Variants in SSBP2 observed in about 807,000 individuals in gnomAD.
SSBP2 encodes the protein single stranded DNA binding protein 2.
SSBP2 carries 17 observed loss-of-function variants against 61.8 expected under a neutral mutation model. The observed-to-expected ratio is 0.28, with a 90% CI of 0.19 to 0.41. The LOEUF is 0.41. Among genes scored for constraint, SSBP2 ranks in the 10% least tolerant of loss-of-function variants. SSBP2 has a pLI of 1.00. For synonymous variants in SSBP2, 139 were observed against 141.3 expected (o/e 0.98, Z 0.12); for missense variants, 310 against 458.7 (o/e 0.68, Z 2.96).
In SSBP2 at chr5:81,416,806, C is replaced by G. The variant is rs1561368214; in HGVS notation, c.*3698G>C. On this transcript the variant is annotated 3_prime_UTR_variant, in exon 17 of 17. Transcript: ENST00000320672. Reference sequence around the variant, plus strand: ...TGGAGGGAAAGGGCTGTTTTGGGCACTTTTCATGGCTGGGGGAGCAGAATT... The same window carrying G: ...TGGAGGGAAAGGGCTGTTTTGGGCAGTTTTCATGGCTGGGGGAGCAGAATT... 6.6e-6 allele frequency: 1 copy of G among 152,062 alleles called. No homozygotes were observed. The allele number at this position is 152,062 out of a possible 1,614,324, so 9.4% of individuals were successfully genotyped here. A position where few individuals can be genotyped will look rare whatever the true frequency, so the allele number is the denominator to read the frequency against.
At chr5:81,602,011 G>GAC (rs1402712794) in intron 4 of SSBP2, among the ~76,000 whole-genome samples, 2 of 151,948 alleles carry the variant, frequency 1.3e-5, no homozygotes, top group Non-Finnish European at 2.9e-5. Context: ...TAATAATTCT[G>GAC]ATATCCAGAA....
chr5:81,684,437 C>G (rs1752619679), intron 1 of SSBP2, among the ~76,000 whole-genome samples: 1 of 151,982 alleles, frequency 6.6e-6, no homozygotes, highest in African/African-American at 2.4e-5. Context: ...GCCAGGGGTT[C>G]AGAGAGACAG....
chr5:81,541,015 C>T (rs1771224727), intron 4 of SSBP2, among the ~76,000 whole-genome samples: 1 of 151,718 alleles, frequency 6.6e-6, no homozygotes, highest in Non-Finnish European at 1.5e-5. Context: ...GCTAGAAAAC[C>T]TTAAAGACCC....
intron 3 of SSBP2, among the ~76,000 whole-genome samples, chr5:81,622,016 T>G (rs1746622579): frequency 2.8e-5 from 4 of 142,466 alleles, no homozygotes; most frequent in South Asian, 4.6e-4. Flanking sequence ...AGATGACGAG[T>G]TAGTGGGTGC....
intron 2 of SSBP2, among the ~76,000 whole-genome samples, chr5:81,641,953 A>AC (rs1748831331): frequency 6.6e-6 from 1 of 152,192 alleles, no homozygotes; most frequent in Non-Finnish European, 1.5e-5. Flanking sequence ...ATACATACAT[A>AC]TGTGTGCTTG....
chr5:81,740,749 C>A (rs58068365), intron 1 of SSBP2, among the ~76,000 whole-genome samples: 12,600 of 152,224 alleles, frequency 0.083, 608 homozygotes, highest in Middle Eastern at 0.18. Context: ...GAAATTATAA[C>A]CTGAGTTCTT....
At chr5:81,717,035 TAAGAA>T (rs1162992808) in intron 1 of SSBP2, among the ~76,000 whole-genome samples, 2 of 152,190 alleles carry the variant, frequency 1.3e-5, no homozygotes, top group Non-Finnish European at 2.9e-5. Context: ...TTTTAAATCA[TAAGAA>T]AATAGAAGAA....
chr5:81,449,030 C>T (rs1387206864), intron 10 of SSBP2, among the ~76,000 whole-genome samples: 1 of 152,018 alleles, frequency 6.6e-6, no homozygotes, highest in Admixed American at 6.6e-5. Context: ...AGATTTTAGT[C>T]AAGAGGATTT....
At chr5:81,742,166 A>G (rs1161257313) in intron 1 of SSBP2, among the ~76,000 whole-genome samples, 2 of 152,224 alleles carry the variant, frequency 1.3e-5, no homozygotes, top group African/African-American at 4.8e-5. Flanking sequence ...ACATTAAAAT[A>G]TTTTGAAAAC....
At chr5:81,500,184 G>T (rs1187864300) in intron 5 of SSBP2, among the ~76,000 whole-genome samples, 3 of 152,096 alleles carry the variant, frequency 2.0e-5, no homozygotes, top group Non-Finnish European at 4.4e-5. Context: ...ATGTAAGATG[G>T]TATTGAACTA....
At chr5:81,484,108 C>T (rs570014504) in intron 6 of SSBP2, among the ~76,000 whole-genome samples, 1 of 152,242 alleles carries the variant, frequency 6.6e-6, no homozygotes, top group East Asian at 1.9e-4. Flanking sequence ...ACACAGTAAA[C>T]CTCAACAAGT....
intron 15 of SSBP2, among the ~76,000 whole-genome samples, chr5:81,430,444 T>A (rs910917006): frequency 6.6e-6 from 1 of 152,196 alleles, no homozygotes; most frequent in African/African-American, 2.4e-5. Flanking sequence ...CTGTGGTATA[T>A]AAGGTACCAT....
chr5:81,491,404 C>G (rs1457039845), intron 5 of SSBP2, among the ~76,000 whole-genome samples: 1 of 152,144 alleles, frequency 6.6e-6, no homozygotes, highest in African/African-American at 2.4e-5. Flanking sequence ...CACTTGAGAT[C>G]TGCGTGTTGA....
chr5:81,710,624 C>A, intron 1 of SSBP2: 2 of 446,958 alleles, frequency 4.5e-6, no homozygotes, highest in South Asian at 1.6e-5. Flanking sequence ...CTGACAAGCA[C>A]AAACCTACAA....
chr5:81,748,899 TA>T (rs555248747), intron 1 of SSBP2, among the ~76,000 whole-genome samples: 30 of 146,602 alleles, frequency 2.0e-4, no homozygotes, highest in Admixed American at 2.0e-4. Flanking sequence ...TCTGAGAAAC[TA>T]AAAAAAAAAA....
At chr5:81,447,969 T>C (rs1207951248) in intron 11 of SSBP2, 1 of 152,232 alleles carries the variant, frequency 6.6e-6, no homozygotes, top group African/African-American at 2.4e-5. Flanking sequence ...ACTATGTTAA[T>C]AAAATACTAT....
At chr5:81,511,603 G>C (rs1336033337) in intron 5 of SSBP2, among the ~76,000 whole-genome samples, 1 of 152,172 alleles carries the variant, frequency 6.6e-6, no homozygotes, top group Non-Finnish European at 1.5e-5. Flanking sequence ...TTTCTGAAAT[G>C]TAATTCCTCT....
chr5:81,474,816 C>A (rs917975655), intron 6 of SSBP2, among the ~76,000 whole-genome samples: 2 of 152,130 alleles, frequency 1.3e-5, no homozygotes, highest in African/African-American at 4.8e-5. Context: ...GAGCAAAGAT[C>A]TACGCAAAAA....
intron 3 of SSBP2, among the ~76,000 whole-genome samples, chr5:81,623,640 T>C (rs1485489372): frequency 6.6e-6 from 1 of 152,136 alleles, no homozygotes; most frequent in African/African-American, 2.4e-5. Flanking sequence ...CGGTCCATTG[T>C]AGTACTTTTA....
Sources: gnomAD v4.1 joint callset for allele counts (sites outside exome capture counted in the v4.1 genomes callset) on GRCh38, gnomAD v4.1.1 for gene constraint, MANE v1.5 for transcripts, NCBI Gene and HGNC (gene_info 2026-07-23, HGNC 2026-07-21) for gene names.